The following CNTNAP2 variants were observed in gnomAD, a reference collection of about 807,000 sequenced individuals.
CNTNAP2 encodes the protein contactin associated protein 2.
CNTNAP2 carries 98 observed loss-of-function variants against 155.2 expected under a neutral mutation model. That is an observed-to-expected ratio of 0.63 (90% confidence interval 0.54 to 0.75). CNTNAP2 has a LOEUF of 0.75. Ranked by LOEUF, CNTNAP2 falls within the 30% of genes least tolerant of loss-of-function variation. The pLI, the probability that CNTNAP2 is intolerant of heterozygous loss-of-function variation, is 0.00. For missense variants in CNTNAP2, 1,727 were observed against 1,688.1 expected, an observed-to-expected ratio of 1.02 and a Z score of -0.40; for synonymous variants, 651 against 631.2, an observed-to-expected ratio of 1.03 and a Z score of -0.47.
intron 15 of CNTNAP2, among the ~76,000 whole-genome samples, chr7:148,024,842 CCTTT>C (rs1802349351): frequency 6.6e-6 from 1 of 152,156 alleles, no homozygotes; most frequent in Admixed American, 6.5e-5. Flanking sequence ...CCTGCCTTCT[CCTTT>C]CTTTGAGTTT....
chr7:147,778,834 A>C (rs1163085267), intron 13 of CNTNAP2, among the ~76,000 whole-genome samples: 1 of 152,164 alleles, frequency 6.6e-6, no homozygotes, highest in Non-Finnish European at 1.5e-5. Flanking sequence ...ATTTTATGAA[A>C]TCAAAGGAGC....
At chr7:148,078,446 T>A (rs1391727803) in intron 15 of CNTNAP2, among the ~76,000 whole-genome samples, 1 of 152,176 alleles carries the variant, frequency 6.6e-6, no homozygotes, top group Non-Finnish European at 1.5e-5. Context: ...GAGTTTTAAA[T>A]ACTTATTTTT....
intron 1 of CNTNAP2, among the ~76,000 whole-genome samples, chr7:146,512,917 G>A (rs1339511391): frequency 6.6e-6 from 1 of 151,844 alleles, no homozygotes; most frequent in African/African-American, 2.4e-5. Context: ...TTTTATTGTG[G>A]TGTATATGTC....
chr7:146,989,141 T>C (rs952958252), intron 3 of CNTNAP2, among the ~76,000 whole-genome samples: 34 of 152,132 alleles, frequency 2.2e-4, no homozygotes, highest in African/African-American at 8.0e-4. Flanking sequence ...GAGATAAGTA[T>C]GCAGGAGGTT....
intron 13 of CNTNAP2, among the ~76,000 whole-genome samples, chr7:147,653,848 G>A (rs1795486020): frequency 6.6e-6 from 1 of 152,068 alleles, no homozygotes. Context: ...TCTTTAGAAG[G>A]CAGATATTTA....
At chr7:146,274,498 G>A (rs1013949054) in intron 1 of CNTNAP2, among the ~76,000 whole-genome samples, 1 of 152,166 alleles carries the variant, frequency 6.6e-6, no homozygotes. Flanking sequence ...AGCTACCCCG[G>A]GGCAGTTTTA....
chr7:147,235,842 C>T (rs1465619987), intron 8 of CNTNAP2, among the ~76,000 whole-genome samples: 2 of 152,146 alleles, frequency 1.3e-5, no homozygotes, highest in Non-Finnish European at 2.9e-5. Flanking sequence ...CCAGTAGATG[C>T]CCGAGGGACT....
chr7:147,903,680 T>A lies in CNTNAP2; in HGVS notation c.2214T>A (p.Asp738Glu), dbSNP rs1434506258. 3 of 1,613,992 alleles carry A rather than the reference T, an allele frequency of 1.9e-6. No individual in the cohort carries two copies. The highest frequency in any genetic ancestry group is 4.5e-5 in the East Asian group (2 of 44,838). The change falls in exon 14 of 24, where the codon GAT becomes GAA. Residue 738 changes from aspartate (D) to glutamate (E), a missense_variant. Coordinates refer to ENST00000361727, the MANE Select transcript of CNTNAP2 (RefSeq NM_014141.6). ...CACGIERNCT[D>E]PKYYCNCDAD... ...GCGGCATCGAACGCAACTGCACAGA[T>A]CCCAAGTACTACTGTAACTGCGACG...
intron 9 of CNTNAP2, among the ~76,000 whole-genome samples, chr7:147,321,693 T>C (rs991134601): frequency 6.6e-6 from 1 of 152,172 alleles, no homozygotes; most frequent in Non-Finnish European, 1.5e-5. Context: ...AAAGTCTCAG[T>C]TGGCACCTAA....
intron 1 of CNTNAP2, among the ~76,000 whole-genome samples, chr7:146,759,462 A>G (rs1396196339): frequency 6.6e-6 from 1 of 152,092 alleles, no homozygotes; most frequent in East Asian, 1.9e-4. Context: ...TGGGAGGCCG[A>G]GATGGGCAGA....
At chr7:147,442,958 G>C (rs1335511516) in intron 10 of CNTNAP2, among the ~76,000 whole-genome samples, 2 of 152,024 alleles carry the variant, frequency 1.3e-5, no homozygotes, top group African/African-American at 4.8e-5. Context: ...GCAGTTAGTT[G>C]TACAGCCTGG....
At chr7:147,005,963 T>G (rs1021539136) in intron 3 of CNTNAP2, among the ~76,000 whole-genome samples, 1 of 152,138 alleles carries the variant, frequency 6.6e-6, no homozygotes, top group African/African-American at 2.4e-5. Context: ...GTCTTTTTAT[T>G]TTACTTATTT....
intron 3 of CNTNAP2, among the ~76,000 whole-genome samples, chr7:146,856,684 T>C (rs915581403): frequency 1.3e-5 from 2 of 152,120 alleles, no homozygotes; most frequent in South Asian, 4.1e-4. Flanking sequence ...AAGCAGACAC[T>C]GTGCGCCTCC....
chr7:146,989,080 C>A (rs1798165071), intron 3 of CNTNAP2, among the ~76,000 whole-genome samples: 1 of 152,104 alleles, frequency 6.6e-6, no homozygotes, highest in East Asian at 1.9e-4. Context: ...TCCCCCTAAT[C>A]TTGGCAACTC....
intron 15 of CNTNAP2, among the ~76,000 whole-genome samples, chr7:148,024,318 G>A (rs565383686): frequency 4.5e-4 from 68 of 152,126 alleles, no homozygotes; most frequent in Middle Eastern, 3.4e-3. Flanking sequence ...TACCCGCTAG[G>A]CATGTTTGTT....
chr7:146,503,474 CA>C (rs1408224959), intron 1 of CNTNAP2, among the ~76,000 whole-genome samples: 1 of 152,168 alleles, frequency 6.6e-6, no homozygotes, highest in East Asian at 1.9e-4. Flanking sequence ...GTGGCCTAGC[CA>C]AAAGATTGTA....
rs78105498 is a variant in CNTNAP2 at position 146,298,952 on chromosome 7, G to T, written c.97+181979G>T. Among the ~76,000 whole-genome samples the T allele has an allele frequency of 5.3e-3, 813 of 152,252 alleles. 4 individuals carry two copies. The highest frequency in any genetic ancestry group is 6.5e-3 in the Non-Finnish European group (441 of 68,024). On this transcript the variant is annotated intron_variant, in intron 1 of 23. Transcript: ENST00000361727. ...TCCTGTAGAATATAGATGATATGCT[G>T]TACTTCAAAATTTCATTGTGAATAT... is the stretch of plus-strand genomic sequence containing the variant.
At position 146,496,388 on chromosome 7, in the gene CNTNAP2, C is replaced by T. The variant is rs143962427; in HGVS notation, c.98-277883C>T. 4.5e-4 allele frequency among the ~76,000 whole-genome samples: 69 copies of T among 152,166 alleles called. No individual in the cohort carries two copies. In the Middle Eastern group the frequency reaches 0.014, roughly 30 times the overall value. On this transcript the variant is annotated intron_variant, in intron 1 of 23. Transcript: ENST00000361727. ...AATTGATCTTTTCAGATACATTCAC[C>T]GATTTAGCAAATGATGATAAATACA...
intron 3 of CNTNAP2, among the ~76,000 whole-genome samples, chr7:146,908,000 C>A (rs371416428): frequency 1.4e-4 from 21 of 151,958 alleles, no homozygotes; most frequent in Non-Finnish European, 2.9e-4. Context: ...GGGTTGCAAT[C>A]CTAGTCTCTG....
Sources: allele counts gnomAD v4.1 joint callset (sites outside exome capture counted in the v4.1 genomes callset), GRCh38; gene constraint gnomAD v4.1.1; transcripts MANE v1.5; gene names NCBI Gene and HGNC (gene_info 2026-07-23, HGNC 2026-07-21).